Variants in SMIM14 observed in about 807,000 individuals in gnomAD.
SMIM14 encodes the protein chromosome 4 open reading frame 34.
A neutral mutation model predicts 12.6 loss-of-function variants in SMIM14; 5 were observed. The observed-to-expected ratio is 0.40, with a 90% confidence interval of 0.21 to 0.83. The LOEUF (loss-of-function observed/expected upper bound fraction) is 0.83, where lower values mean the gene tolerates loss of function less well. SMIM14 is among the 40% of genes least tolerant of loss of function. The probability of loss-of-function intolerance (pLI) is 0.37; values close to 1 mark genes in which losing one functional copy is unlikely to be tolerated. For synonymous variants in SMIM14, 30 were observed against 40.1 expected (o/e 0.75, Z 0.95); for missense variants, 86 against 119.1 (o/e 0.72, Z 1.29).
chr4:39,585,605 T>C (rs1713748049), intron 2 of SMIM14, among the ~76,000 whole-genome samples: 1 of 152,026 alleles, frequency 6.6e-6, no homozygotes, highest in Non-Finnish European at 1.5e-5. Flanking sequence ...CCTACTTCTA[T>C]TATTAAAAGA....
At chr4:39,587,495 CAAAAAAAAAAA>C (rs71192879) in intron 2 of SMIM14, among the ~76,000 whole-genome samples, 1 of 77,382 alleles carries the variant, frequency 1.3e-5, no homozygotes. Context: ...GGCTCCATCT[CAAAAAAAAAAA>C]AAAAAAAAAA....
intron 2 of SMIM14, among the ~76,000 whole-genome samples, chr4:39,601,845 G>A (rs138375952): frequency 1.5e-3 from 224 of 151,834 alleles, no homozygotes; most frequent in African/African-American, 5.3e-3. Flanking sequence ...TACCTGGGAG[G>A]CTAAAGTGGG....
intron 1 of SMIM14, among the ~76,000 whole-genome samples, chr4:39,626,214 C>A (rs1174152588): frequency 6.6e-6 from 1 of 152,086 alleles, no homozygotes. Context: ...ACGCCCCCCA[C>A]CCCTGCCCCA....
chr4:39,635,091 G>T (rs1444939470), intron 1 of SMIM14, among the ~76,000 whole-genome samples: 1 of 152,192 alleles, frequency 6.6e-6, no homozygotes, highest in East Asian at 1.9e-4. Context: ...GGCAACATCT[G>T]ACCTAACACC....
intron 3 of SMIM14, among the ~76,000 whole-genome samples, chr4:39,561,860 G>A (rs568926783): frequency 3.3e-5 from 5 of 152,054 alleles, no homozygotes; most frequent in South Asian, 2.1e-4. Context: ...GCTCGAACCC[G>A]GAAGACAGGT....
intron 1 of SMIM14, among the ~76,000 whole-genome samples, chr4:39,629,171 G>C (rs942066399): frequency 6.6e-6 from 1 of 151,644 alleles, no homozygotes; most frequent in African/African-American, 2.4e-5. Context: ...GACCAGCCCG[G>C]CTAACATGGT....
At position 39,596,191 on chromosome 4, in the gene SMIM14, G is replaced by T. The variant is rs182439188; in HGVS notation, c.75+8880C>A. Reference sequence around the variant, plus strand: ...GCTCACCGCAACCTCCACCTCCCAGGTCCAAGCGATTCTCCTGCCTCAGCC... The same window carrying T: ...GCTCACCGCAACCTCCACCTCCCAGTTCCAAGCGATTCTCCTGCCTCAGCC... On this transcript the variant is annotated intron_variant, in intron 2 of 4. Coordinates refer to ENST00000295958, the MANE Select transcript of SMIM14 (RefSeq NM_174921.3). 2.1e-4 allele frequency among the ~76,000 whole-genome samples: 32 copies of T among 152,076 alleles called. No individual in the cohort carries two copies. The East Asian group carries it at 5.8e-3, about 28-fold the overall frequency.
rs184984153 is a variant in SMIM14 at position 39,579,131 on chromosome 4, G to A, written c.76-6668C>T. Among the ~76,000 whole-genome samples the A allele has an allele frequency of 7.1e-4, 107 of 151,754 alleles. No homozygotes were observed. In the Middle Eastern group the frequency reaches 0.014, roughly 19 times the overall value. On this transcript the variant is annotated intron_variant, in intron 2 of 4. Transcript: ENST00000295958. ...AAGAGATTAAAACACATAAAAGGCC[G>A]GGTGCAGTGGCTCATCCCTGTAATC...
chr4:39,564,821 G>A (rs1169035221), intron 3 of SMIM14, among the ~76,000 whole-genome samples: 3 of 152,174 alleles, frequency 2.0e-5, no homozygotes, highest in South Asian at 4.1e-4. Flanking sequence ...AAGGAACAGC[G>A]AGAACTCCTG....
intron 4 of SMIM14, 48 bp from the exon 5 acceptor site, chr4:39,552,206 A>G: frequency 1.4e-6 from 2 of 1,449,964 alleles, no homozygotes; most frequent in Non-Finnish European, 1.8e-6. Context: ...TTAAAAATTC[A>G]AAAAAATTTA....
intron 2 of SMIM14, among the ~76,000 whole-genome samples, chr4:39,585,709 G>T (rs1161598390): frequency 6.6e-6 from 1 of 151,706 alleles, no homozygotes; most frequent in Admixed American, 6.6e-5. Context: ...TGTACGAAGT[G>T]GGAAAAAAAA....
In SMIM14 at chr4:39,635,272, G is replaced by A. The variant is rs1055565499; in HGVS notation, c.-36+3467C>T. On this transcript the variant is annotated intron_variant, in intron 1 of 4. Transcript: ENST00000295958. ...GAAACTCACATGGCCAGGCTCCAGG[G>A]TACTGAACTAAGTAGAAGGATACAA... Among the ~76,000 whole-genome samples, 4 of 152,188 alleles carry A rather than the reference G, an allele frequency of 2.6e-5. No individual in the cohort carries two copies. In the South Asian group the frequency reaches 6.2e-4, roughly 24 times the overall value.
intron 1 of SMIM14, among the ~76,000 whole-genome samples, chr4:39,631,583 C>T (rs1018486545): frequency 3.3e-5 from 5 of 151,524 alleles, no homozygotes; most frequent in East Asian, 1.9e-4. Flanking sequence ...GGCATGAACC[C>T]GGGAAGCGGA....
Position 39,579,596 on chromosome 4 carries a change from G to A in SMIM14, c.76-7133C>T, listed in dbSNP as rs143262646. On this transcript the variant is annotated intron_variant, in intron 2 of 4. Transcript: ENST00000295958. ...CAGGGCTCATGCTTGTAATCCCAGCGCTTTGAAAGGCCGAGGTGGGCAGAT... is the reference window on the plus strand; with the variant it reads ...CAGGGCTCATGCTTGTAATCCCAGCACTTTGAAAGGCCGAGGTGGGCAGAT... Among the ~76,000 whole-genome samples, 691 of 151,680 alleles carry A rather than the reference G, an allele frequency of 4.6e-3. 5 individuals are homozygous for A. The highest frequency in any genetic ancestry group is 0.016 in the African/African-American group (655 of 41,398).
In SMIM14 at chr4:39,633,467, T is replaced by G. The variant is rs576361012; in HGVS notation, c.-36+5272A>C. Among the ~76,000 whole-genome samples, 4 of 152,224 alleles carry G rather than the reference T, an allele frequency of 2.6e-5. No individual in the cohort carries two copies. The South Asian group carries it at 6.2e-4, about 24-fold the overall frequency. On this transcript the variant is annotated intron_variant, in intron 1 of 4. Transcript: ENST00000295958. ...CCCAATATTAAAGGAAAACTTCAAA[T>G]AAATCTGTTTATTTAAAATATCTTT...
intron 1 of SMIM14, 184 bp downstream of exon 1, chr4:39,638,555 G>C (rs1405974265): frequency 1.0e-6 from 1 of 984,512 alleles, no homozygotes; most frequent in Non-Finnish European, 1.2e-6. Context: ...ACGCGGGCTC[G>C]GCAGCAGCGG....
chr4:39,603,343 G>A (rs547885985), intron 2 of SMIM14, among the ~76,000 whole-genome samples: 25 of 152,204 alleles, frequency 1.6e-4, no homozygotes, highest in African/African-American at 6.0e-4. Flanking sequence ...TGGATCACGA[G>A]GTCAGGAGAT....
chr4:39,595,285 T>G (rs1240808236), intron 2 of SMIM14, among the ~76,000 whole-genome samples: 5 of 149,936 alleles, frequency 3.3e-5, no homozygotes, highest in African/African-American at 9.8e-5. Flanking sequence ...ATCATCATTC[T>G]CAGTAAACTA....
chr4:39,607,284 T>G (rs1364128823), intron 1 of SMIM14, among the ~76,000 whole-genome samples: 2 of 152,194 alleles, frequency 1.3e-5, no homozygotes, highest in Admixed American at 1.3e-4. Context: ...ATCAATTATA[T>G]CTCAATAACG....
Sources: gnomAD v4.1 joint callset for allele counts (sites outside exome capture counted in the v4.1 genomes callset) on GRCh38, gnomAD v4.1.1 for gene constraint, MANE v1.5 for transcripts, NCBI Gene and HGNC (gene_info 2026-07-23, HGNC 2026-07-21) for gene names.